SLC9A9: variants seen among roughly 807,000 people sequenced by gnomAD.
SLC9A9 encodes solute carrier family 9 member A9.
SLC9A9 carries 62 observed loss-of-function variants against 77.8 expected under a neutral mutation model. The ratio of observed to expected loss-of-function variants is 0.80; its 90% CI spans 0.65 to 0.98. The LOEUF is 0.98. Ranked by LOEUF, SLC9A9 falls within the 50% of genes least tolerant of loss-of-function variation. SLC9A9 has a pLI of 0.00. For synonymous variants in SLC9A9, 320 were observed against 283.5 expected (o/e 1.13, Z -1.29); for missense variants, 775 against 774.9 (o/e 1.00, Z 0.00).
At chr3:143,818,061 T>C (rs993323738) in intron 2 of SLC9A9, among the ~76,000 whole-genome samples, 3 of 152,334 alleles carry the variant, frequency 2.0e-5, no homozygotes, top group Admixed American at 6.5e-5. Context: ...GACTGGAAAT[T>C]TACCAAAATT....
chr3:143,268,077 C>G (rs144150435), intron 15 of SLC9A9, among the ~76,000 whole-genome samples: 1 of 152,344 alleles, frequency 6.6e-6, no homozygotes, highest in Non-Finnish European at 1.5e-5. Flanking sequence ...CCTTAGGCTT[C>G]TGTGCCCTGA....
chr3:143,514,020 G>A (rs375657934), intron 9 of SLC9A9, among the ~76,000 whole-genome samples: 1 of 151,804 alleles, frequency 6.6e-6, no homozygotes, highest in Admixed American at 6.6e-5. Flanking sequence ...GACAGGCCTC[G>A]GTGTGTGATG....
chr3:143,666,224 A>T (rs2039065216), intron 5 of SLC9A9, among the ~76,000 whole-genome samples: 1 of 152,230 alleles, frequency 6.6e-6, no homozygotes, highest in South Asian at 2.1e-4. Flanking sequence ...ACAGAACCAA[A>T]GACAAAAACC....
intron 4 of SLC9A9, among the ~76,000 whole-genome samples, chr3:143,694,978 C>A (rs1466202209): frequency 6.6e-6 from 1 of 151,962 alleles, no homozygotes; most frequent in Non-Finnish European, 1.5e-5. Context: ...CTTAACCAGG[C>A]TGAAGGTATT....
chr3:143,797,998 C>A (rs1199930993), intron 2 of SLC9A9, among the ~76,000 whole-genome samples: 1 of 152,218 alleles, frequency 6.6e-6, no homozygotes, highest in East Asian at 1.9e-4. Context: ...CCCTGTCCTC[C>A]TGCTCTTTGC....
At chr3:143,659,430 C>T (rs947455193) in intron 5 of SLC9A9, among the ~76,000 whole-genome samples, 1 of 152,126 alleles carries the variant, frequency 6.6e-6, no homozygotes, top group Non-Finnish European at 1.5e-5. Flanking sequence ...TCTCTTGCTA[C>T]AAAAAGATAT....
chr3:143,440,669 C>T (rs778197210), intron 12 of SLC9A9, among the ~76,000 whole-genome samples: 4 of 152,148 alleles, frequency 2.6e-5, no homozygotes, highest in Non-Finnish European at 5.9e-5. Flanking sequence ...CTTTGCTTAC[C>T]GATGCAGGTC....
intron 5 of SLC9A9, among the ~76,000 whole-genome samples, chr3:143,687,528 G>C (rs1296601049): frequency 1.3e-5 from 2 of 152,100 alleles, no homozygotes; most frequent in Non-Finnish European, 2.9e-5. Context: ...TCTACCTTAT[G>C]AGATATCTTT....
In SLC9A9 at chr3:143,355,529, A is replaced by AT. The variant is rs2032563421; in HGVS notation, c.1604+7954dup. On this transcript the variant is annotated intron_variant, in intron 14 of 15. Transcript: ENST00000316549. ...TACATAACTAGTAAGTAGATAGGCT[A>AT]TAATAGCAAATCAATAGCTTCTGGC... Among the ~76,000 whole-genome samples the AT allele has an allele frequency of 2.6e-5, 4 of 152,364 alleles. No homozygotes were observed. The South Asian group carries it at 8.3e-4, about 32-fold the overall frequency.
At chr3:143,384,397 G>A (rs1412020398) in intron 12 of SLC9A9, among the ~76,000 whole-genome samples, 1 of 152,174 alleles carries the variant, frequency 6.6e-6, no homozygotes, top group Admixed American at 6.5e-5. Flanking sequence ...TGAAGCTGCT[G>A]GGCACCCAGG....
At chr3:143,341,831 C>T (rs141302902) in intron 14 of SLC9A9, among the ~76,000 whole-genome samples, 63 of 152,198 alleles carry the variant, frequency 4.1e-4, no homozygotes, top group Non-Finnish European at 7.4e-4. Context: ...CTCACATGGA[C>T]GGGGATAGAT....
chr3:143,799,391 C>T (rs1007455920), intron 2 of SLC9A9, among the ~76,000 whole-genome samples: 1 of 152,202 alleles, frequency 6.6e-6, no homozygotes, highest in Non-Finnish European at 1.5e-5. Context: ...TCAAGGTGTA[C>T]AATAATAGAG....
chr3:143,580,872 T>G (rs1302468214), intron 6 of SLC9A9, among the ~76,000 whole-genome samples: 1 of 152,210 alleles, frequency 6.6e-6, no homozygotes, highest in Non-Finnish European at 1.5e-5. Context: ...CACAGACATA[T>G]GCACTAGGTG....
At chr3:143,552,045 C>G (rs2036897355) in intron 9 of SLC9A9, among the ~76,000 whole-genome samples, 1 of 152,210 alleles carries the variant, frequency 6.6e-6, no homozygotes, top group African/African-American at 2.4e-5. Flanking sequence ...CACAATCTCA[C>G]ATGCCTTATA....
intron 4 of SLC9A9, among the ~76,000 whole-genome samples, chr3:143,724,890 C>T (rs1243278404): frequency 6.6e-6 from 1 of 152,056 alleles, no homozygotes; most frequent in Non-Finnish European, 1.5e-5. Flanking sequence ...GCCAGGAGAG[C>T]CTTTCAGTGT....
At chr3:143,438,223 G>A (rs1470829740) in intron 12 of SLC9A9, among the ~76,000 whole-genome samples, 1 of 152,228 alleles carries the variant, frequency 6.6e-6, no homozygotes, top group African/African-American at 2.4e-5. Context: ...ATCAATCACA[G>A]GTGGTAGTTG....
intron 4 of SLC9A9, among the ~76,000 whole-genome samples, chr3:143,764,804 T>C (rs1381566001): frequency 6.6e-6 from 1 of 152,200 alleles, no homozygotes; most frequent in East Asian, 1.9e-4. Flanking sequence ...TTCTAACTCC[T>C]GGCCTCAAGA....
intron 7 of SLC9A9, 73 bp from the exon 8 acceptor site, chr3:143,574,266 C>G: frequency 8.1e-7 from 1 of 1,227,180 alleles, no homozygotes; most frequent in Non-Finnish European, 1.2e-6. Flanking sequence ...AGAATAAAAA[C>G]TGATCTGGTG....
chr3:143,382,307 G>T (rs1400210945), intron 12 of SLC9A9, 193 bp from the exon 13 acceptor site: 1 of 640,356 alleles, frequency 1.6e-6, no homozygotes, highest in Non-Finnish European at 2.8e-6. Flanking sequence ...TGGGCCTCAG[G>T]ATGCTGGAGA....
Sources: allele counts gnomAD v4.1 joint callset (sites outside exome capture counted in the v4.1 genomes callset), GRCh38; gene constraint gnomAD v4.1.1; transcripts MANE v1.5; gene names NCBI Gene and HGNC (gene_info 2026-07-23, HGNC 2026-07-21).